The following CADM1 variants were observed in gnomAD, a reference collection of about 807,000 sequenced individuals.
The protein encoded by CADM1 is TSLC-1.
Under a neutral mutation model 53.1 loss-of-function variants are expected in CADM1, and 15 were observed. That is an observed-to-expected ratio of 0.28 (90% CI 0.19 to 0.44). The LOEUF (loss-of-function observed/expected upper bound fraction) is 0.44, where lower values mean the gene tolerates loss of function less well. CADM1 is among the 20% of genes least tolerant of loss of function. The probability of loss-of-function intolerance (pLI) is 1.00; values close to 1 mark genes in which losing one functional copy is unlikely to be tolerated. For synonymous variants in CADM1, 281 were observed against 243.0 expected (o/e 1.16, Z -1.45); for missense variants, 434 against 611.3 (o/e 0.71, Z 3.06).
chr11:115,407,886 A>C (rs1231523792), intron 1 of CADM1, among the ~76,000 whole-genome samples: 1 of 147,152 alleles, frequency 6.8e-6, no homozygotes, highest in Non-Finnish European at 1.5e-5. Flanking sequence ...AAAAAAAAAA[A>C]AAAAAAAAAA....
intron 3 of CADM1, among the ~76,000 whole-genome samples, chr11:115,237,210 T>C (rs1052053740): frequency 1.2e-4 from 18 of 152,154 alleles, no homozygotes; most frequent in African/African-American, 4.3e-4. Flanking sequence ...AATACCAAAA[T>C]AGTCATCCCA....
At chr11:115,189,947 C>G (rs1161546190) in intron 10 of CADM1, among the ~76,000 whole-genome samples, 1 of 152,168 alleles carries the variant, frequency 6.6e-6, no homozygotes. Context: ...TCGAGTAGTA[C>G]TATCTTATTC....
At chr11:115,488,904 C>A (rs1395547961) in intron 1 of CADM1, among the ~76,000 whole-genome samples, 1 of 152,156 alleles carries the variant, frequency 6.6e-6, no homozygotes, top group Non-Finnish European at 1.5e-5. Flanking sequence ...GCCACTGACT[C>A]CAGATACATC....
chr11:115,383,800 A>G (rs1946635083), intron 1 of CADM1, among the ~76,000 whole-genome samples: 1 of 152,210 alleles, frequency 6.6e-6, no homozygotes, highest in African/African-American at 2.4e-5. Flanking sequence ...TCTTCTGTTA[A>G]CCCAAATGGC....
intron 1 of CADM1, among the ~76,000 whole-genome samples, chr11:115,312,488 G>A (rs1247619479): frequency 6.6e-6 from 1 of 152,010 alleles, no homozygotes. Flanking sequence ...GAAATCACAG[G>A]ACTTATAGTA....
intron 1 of CADM1, among the ~76,000 whole-genome samples, chr11:115,316,318 G>A (rs567764283): frequency 1.7e-3 from 254 of 152,218 alleles, no homozygotes; most frequent in African/African-American, 5.8e-3. Flanking sequence ...GTTCATCTTG[G>A]GAGAGTGAGT....
At chr11:115,319,454 C>G (rs1241798157) in intron 1 of CADM1, among the ~76,000 whole-genome samples, 1 of 152,130 alleles carries the variant, frequency 6.6e-6, no homozygotes, top group African/African-American at 2.4e-5. Context: ...CCCATCTCTC[C>G]ACTTCTTTCT....
chr11:115,251,949 T>C (rs1043905124), intron 1 of CADM1, among the ~76,000 whole-genome samples: 2 of 152,242 alleles, frequency 1.3e-5, no homozygotes, highest in African/African-American at 4.8e-5. Flanking sequence ...CAGACAATTA[T>C]GCACAGTAAC....
intron 1 of CADM1, chr11:115,398,941 T>C (rs1198332830): frequency 6.6e-6 from 1 of 152,182 alleles, no homozygotes; most frequent in Non-Finnish European, 1.5e-5. Flanking sequence ...TATTTTTATA[T>C]GTTCTAGACA....
At chr11:115,367,480 C>T (rs1946194323) in intron 1 of CADM1, among the ~76,000 whole-genome samples, 1 of 152,084 alleles carries the variant, frequency 6.6e-6, no homozygotes, top group African/African-American at 2.4e-5. Flanking sequence ...TGTTCATTTA[C>T]ATTTTCTTTT....
At chr11:115,492,179 T>C (rs1240749482) in intron 1 of CADM1, among the ~76,000 whole-genome samples, 3 of 152,110 alleles carry the variant, frequency 2.0e-5, no homozygotes, top group Non-Finnish European at 4.4e-5. Flanking sequence ...TCATAACAAA[T>C]ACGAGAACCT....
intron 1 of CADM1, among the ~76,000 whole-genome samples, chr11:115,385,193 A>AC (rs550858892): frequency 4.7e-4 from 71 of 152,300 alleles, no homozygotes; most frequent in African/African-American, 1.7e-3. Context: ...AAAAAAAAAA[A>AC]AAACAGATTT....
At position 115,338,622 on chromosome 11, in the gene CADM1, G is replaced by A. The variant is rs115422408; in HGVS notation, c.125-98202C>T. ...ACTGACCAACGGCAGATGCTCACAC[G>A]TAGGAAGCACACTGTGTCTCCGCCT... On this transcript the variant is annotated intron_variant, in intron 1 of 11. Transcript: ENST00000331581. Among the ~76,000 whole-genome samples the A allele has an allele frequency of 1.4e-3, 209 of 152,226 alleles. 1 individual carries two copies. The highest frequency in any genetic ancestry group is 4.6e-3 in the African/African-American group (190 of 41,532).
rs1938719412 is a variant in CADM1 at position 115,169,443 on chromosome 11, T to C, written c.*7031A>G. The C allele has an allele frequency of 6.7e-5, 25 of 375,620 alleles. 1 individual carries two copies. The highest frequency in any genetic ancestry group is 5.1e-4 in the South Asian group (25 of 49,276). 23.3% of individuals were successfully genotyped at this position (375,620 alleles called of 1,614,324 possible). A position where few individuals can be genotyped will look rare whatever the true frequency, so the allele number is the denominator to read the frequency against. On this transcript the variant is annotated 3_prime_UTR_variant, in exon 12 of 12. Transcript: ENST00000331581. The stretch of plus-strand genomic sequence containing the variant: ...AAGAACAGCTGTGAATGTTATACAA[T>C]TTCAGCAGCAGCAATGGGCTTTGGC...
chr11:115,502,851 C>T (rs1949759392), intron 1 of CADM1, among the ~76,000 whole-genome samples: 3 of 152,208 alleles, frequency 2.0e-5, no homozygotes, highest in Admixed American at 2.0e-4. Flanking sequence ...AAAGGCACAG[C>T]CCAAGCGGAG....
At chr11:115,183,538 C>T (rs1325180578) in intron 10 of CADM1, among the ~76,000 whole-genome samples, 1 of 152,202 alleles carries the variant, frequency 6.6e-6, no homozygotes, top group African/African-American at 2.4e-5. Flanking sequence ...CAACTGCTGC[C>T]TGCCCACCCT....
chr11:115,412,394 C>A (rs1422323446), intron 1 of CADM1, among the ~76,000 whole-genome samples: 1 of 152,102 alleles, frequency 6.6e-6, no homozygotes, highest in Non-Finnish European at 1.5e-5. Flanking sequence ...TAGGATCTTG[C>A]TATGTTGCCC....
intron 1 of CADM1, among the ~76,000 whole-genome samples, chr11:115,503,751 G>A (rs1287639161): frequency 1.3e-5 from 2 of 151,990 alleles, no homozygotes; most frequent in African/African-American, 2.4e-5. Flanking sequence ...CAAGTCTGGG[G>A]ATGTCCTGGG....
intron 1 of CADM1, among the ~76,000 whole-genome samples, chr11:115,414,932 A>G (rs554019521): frequency 1.4e-4 from 21 of 152,336 alleles, no homozygotes; most frequent in African/African-American, 5.0e-4. Context: ...ATTTAAGTAG[A>G]TTCACTTAGG....
Sources: gnomAD v4.1 joint callset for allele counts (sites outside exome capture counted in the v4.1 genomes callset) on GRCh38, gnomAD v4.1.1 for gene constraint, MANE v1.5 for transcripts, NCBI Gene and HGNC (gene_info 2026-07-23, HGNC 2026-07-21) for gene names.